The following KMO variants were observed in gnomAD, a reference collection of about 807,000 sequenced individuals.
KMO encodes kynurenine 3-monooxygenase, also known as kynurenine 3-hydroxylase.
Under a neutral mutation model 57.8 loss-of-function variants are expected in KMO, and 24 were observed. That is an observed-to-expected ratio of 0.42 (90% CI 0.30 to 0.58). KMO has a LOEUF of 0.58. Ranked by LOEUF, KMO falls within the 20% of genes least tolerant of loss-of-function variation. The pLI is 0.22. For missense variants in KMO, 483 were observed against 588.2 expected, an observed-to-expected ratio of 0.82 and a Z score of 1.85; for synonymous variants, 210 against 193.6, an observed-to-expected ratio of 1.08 and a Z score of -0.70.
intron 4 of KMO, among the ~76,000 whole-genome samples, chr1:241,553,229 A>G (rs1661478328): frequency 1.3e-5 from 2 of 152,168 alleles, no homozygotes; most frequent in Non-Finnish European, 2.9e-5. Flanking sequence ...TTGGAGAAGT[A>G]AGACTTGATG....
intron 1 of KMO, among the ~76,000 whole-genome samples, chr1:241,534,627 A>T (rs1660691085): frequency 6.6e-6 from 1 of 152,242 alleles, no homozygotes; most frequent in African/African-American, 2.4e-5. Context: ...TCCAAAATAC[A>T]TTTAAATTCT....
chr1:241,551,296 G>A (rs571764102), intron 4 of KMO, among the ~76,000 whole-genome samples: 9 of 152,218 alleles, frequency 5.9e-5, no homozygotes, highest in East Asian at 5.8e-4. Context: ...TTGCCTTTGC[G>A]CTGCCCTGCT....
Position 241,594,701 on chromosome 1 carries a change from G to A in KMO, c.*2548G>A, listed in dbSNP as rs1050680538. On this transcript the variant is annotated 3_prime_UTR_variant, in exon 15 of 15. Coordinates refer to ENST00000366559, the MANE Select transcript of KMO (RefSeq NM_003679.5). ...AAAGGGATCTTCGAAACTGGGCAGA[G>A]AAAAAATAAAGTGGAATATTAAGTA... 1.2e-6 allele frequency: 2 copies of A among 1,606,054 alleles called. No homozygotes were observed. The highest frequency in any genetic ancestry group is 2.7e-5 in the African/African-American group (2 of 74,374).
intron 3 of KMO, 130 bp from the exon 4 acceptor site, chr1:241,550,825 T>C: frequency 1.8e-6 from 1 of 556,220 alleles, no homozygotes. Flanking sequence ...ACGTTGGGCT[T>C]CTATGGTCTT....
intron 1 of KMO, among the ~76,000 whole-genome samples, chr1:241,535,144 T>C (rs1660713479): frequency 6.6e-6 from 1 of 152,158 alleles, no homozygotes; most frequent in Non-Finnish European, 1.5e-5. Flanking sequence ...AGATGCATGT[T>C]TGAATATTGA....
Position 241,566,519 on chromosome 1 carries a change from T to A in KMO, c.716T>A (p.Met239Lys). 1 of 1,613,728 alleles carries A rather than the reference T, an allele frequency of 6.2e-7. No homozygotes were observed. Among genetic ancestry groups the A allele is most frequent in the South Asian group, 1.1e-5 (1 of 90,968 alleles). ...MNKSFTCTLF[M>K]PFEEFEKLLT... is the part of the protein sequence containing the mutation. Reference sequence around the variant, plus strand: ...AAATCATTCACATGTACTTTGTTCATGCCCTTTGAAGAGTTTGAAAAACTT... The same window carrying A: ...AAATCATTCACATGTACTTTGTTCAAGCCCTTTGAAGAGTTTGAAAAACTT... The change falls in exon 9 of 15, where the codon ATG becomes AAG. Residue 239 changes from methionine to lysine, a missense_variant. Coordinates refer to ENST00000366559, the MANE Select transcript of KMO (RefSeq NM_003679.5).
At chr1:241,566,427 G>A (rs1290316948) in intron 8 of KMO, 64 bp from the exon 9 acceptor site, 3 of 1,542,028 alleles carry the variant, frequency 1.9e-6, no homozygotes, top group East Asian at 2.3e-5. Flanking sequence ...GATTTCAGGA[G>A]CCACCTAGTG....
At position 241,594,800 on chromosome 1, in the gene KMO, A is replaced by C. The variant is rs1331462744; in HGVS notation, c.*2647A>C. 2.3e-6 allele frequency: 3 copies of C among 1,311,956 alleles called. No individual in the cohort carries two copies. The highest frequency in any genetic ancestry group is 1.1e-6 in the Non-Finnish European group (1 of 951,468). The allele number at this position is 1,311,956 out of a possible 1,614,324, so 81.3% of individuals were successfully genotyped here. ...GAATTTAAGTTGTTTTTTGTTTGTT[A>C]GCAGGTGTGGATGTGGGGTTATGTG... On this transcript the variant is annotated 3_prime_UTR_variant, in exon 15 of 15. Coordinates refer to ENST00000366559, the MANE Select transcript of KMO (RefSeq NM_003679.5).
intron 10 of KMO, among the ~76,000 whole-genome samples, chr1:241,583,985 CT>C (rs1319583537): frequency 6.6e-6 from 1 of 151,970 alleles, no homozygotes; most frequent in Non-Finnish European, 1.5e-5. Flanking sequence ...ATTTATTTTT[CT>C]TTTTTTATTA....
intron 7 of KMO, 96 bp from the exon 8 acceptor site, chr1:241,564,891 G>C (rs575568185): frequency 9.5e-6 from 7 of 739,650 alleles, no homozygotes; most frequent in South Asian, 1.6e-5. Flanking sequence ...AGATGCTACT[G>C]GTTTTAATTA....
rs114857272 is a variant in KMO, at chr1:241,580,854, T to C, written c.958-5825T>C. 7.3e-3 allele frequency among the ~76,000 whole-genome samples: 1,118 copies of C among 152,216 alleles called. 16 individuals carry two copies. The highest frequency in any genetic ancestry group is 0.026 in the African/African-American group (1,067 of 41,566). The stretch of plus-strand genomic sequence containing the variant: ...TTGGATAATATGTTCTGTAAATACA[T>C]ATTAGGTCCATTTCTTACATACTTT... On this transcript the variant is annotated intron_variant, in intron 10 of 14. Coordinates refer to ENST00000366559, the MANE Select transcript of KMO (RefSeq NM_003679.5).
chr1:241,562,037 T>C, intron 6 of KMO, 130 bp from the exon 7 acceptor site: 1 of 706,680 alleles, frequency 1.4e-6, no homozygotes, highest in South Asian at 1.9e-5. Context: ...AACTCAAAGC[T>C]CCAAGTCAAA....
At chr1:241,571,981 C>A (rs1021782469) in intron 10 of KMO, among the ~76,000 whole-genome samples, 14 of 150,560 alleles carry the variant, frequency 9.3e-5, no homozygotes, top group African/African-American at 3.4e-4. Context: ...ATTTTCCTGC[C>A]ACAGCCTCCC....
Position 241,594,107 on chromosome 1 carries a change from T to A in KMO, c.*1954T>A, listed in dbSNP as rs987207965. 4.7e-5 allele frequency: 13 copies of A among 277,222 alleles called. No homozygotes were observed. Among genetic ancestry groups the A allele is most frequent in the African/African-American group, 2.9e-4 (13 of 45,034 alleles). 17.2% of individuals were successfully genotyped at this position (277,222 alleles called of 1,614,324 possible). A position where few individuals can be genotyped will look rare whatever the true frequency, so the allele number is the denominator to read the frequency against. The stretch of plus-strand genomic sequence containing the variant: ...TAAGGTATTTTCGAGAAAAATGCAT[T>A]ACGTGTTTTGGAAAATAGAGTAATT... On this transcript the variant is annotated 3_prime_UTR_variant, in exon 15 of 15. Coordinates refer to ENST00000366559, the MANE Select transcript of KMO (RefSeq NM_003679.5).
At chr1:241,548,477 T>C (rs920706095) in intron 1 of KMO, among the ~76,000 whole-genome samples, 5 of 151,976 alleles carry the variant, frequency 3.3e-5, no homozygotes, top group African/African-American at 9.7e-5. Flanking sequence ...TTGACCAAAG[T>C]AGTGGTTATA....
chr1:241,578,698 G>T (rs1462128434), intron 10 of KMO, among the ~76,000 whole-genome samples: 1 of 152,134 alleles, frequency 6.6e-6, no homozygotes, highest in Non-Finnish European at 1.5e-5. Flanking sequence ...TGGTTATGTG[G>T]ACAGACTTAG....
intron 1 of KMO, chr1:241,536,506 T>G (rs761552837): frequency 1.0e-6 from 1 of 985,804 alleles, no homozygotes; most frequent in Non-Finnish European, 1.2e-6. Flanking sequence ...AAAGGCACCA[T>G]TTCAGTGACA....
In KMO at chr1:241,559,581, G is replaced by T. The variant is rs575294828; in HGVS notation, c.362-1084G>T. 1.2e-4 allele frequency among the ~76,000 whole-genome samples: 18 copies of T among 152,054 alleles called. No homozygotes were observed. The East Asian group carries it at 2.3e-3, about 20-fold the overall frequency. On this transcript the variant is annotated intron_variant, in intron 5 of 14. Coordinates refer to ENST00000366559, the MANE Select transcript of KMO (RefSeq NM_003679.5). Reference sequence around the variant, plus strand: ...CATAGATGAATTTCTTTGGTTTAGGGTCTCTCAGATTTTGCAAGAAAGTTA... The same window carrying T: ...CATAGATGAATTTCTTTGGTTTAGGTTCTCTCAGATTTTGCAAGAAAGTTA...
chr1:241,543,427 T>C (rs1436745697), intron 1 of KMO, among the ~76,000 whole-genome samples: 2 of 152,208 alleles, frequency 1.3e-5, no homozygotes, highest in Non-Finnish European at 2.9e-5. Context: ...CTGAGTCTTA[T>C]TTTTTCACTT....
Sources: gnomAD v4.1 joint callset for allele counts (sites outside exome capture counted in the v4.1 genomes callset) on GRCh38, gnomAD v4.1.1 for gene constraint, MANE v1.5 for transcripts, NCBI Gene and HGNC (gene_info 2026-07-23, HGNC 2026-07-21) for gene names.